The following SH3D19 variants were observed in gnomAD, a reference collection of about 807,000 sequenced individuals.
SH3D19 encodes the protein SH3 domain containing 19.
A neutral mutation model predicts 112.1 loss-of-function variants in SH3D19; 58 were observed. That is an observed-to-expected ratio of 0.52 (90% CI 0.42 to 0.64). The LOEUF (loss-of-function observed/expected upper bound fraction) is 0.64, where lower values mean the gene tolerates loss of function less well. SH3D19 is among the 30% of genes least tolerant of loss of function. The pLI is 0.00. For missense variants in SH3D19, 1,090 were observed against 1,263.4 expected (o/e 0.86, Z 2.08); for synonymous variants, 391 against 448.5 (o/e 0.87, Z 1.62).
Position 151,171,239 on chromosome 4 carries a change from C to G in SH3D19, c.1534+3431G>C, listed in dbSNP as rs540692109. 1.1e-4 allele frequency among the ~76,000 whole-genome samples: 16 copies of G among 150,322 alleles called. No homozygotes were observed. The Middle Eastern group carries it at 0.014, about 130-fold the overall frequency. ...TTTTTTTTTTCCTCACAGCTCCAAACAGTCACTGAATTAATGGCTATTTTC... is the reference window on the plus strand; with the variant it reads ...TTTTTTTTTTCCTCACAGCTCCAAAGAGTCACTGAATTAATGGCTATTTTC... On this transcript the variant is annotated intron_variant, in intron 7 of 19. Transcript: ENST00000604030.
rs1760000405 is a variant in SH3D19 at position 151,176,673 on chromosome 4, A to G, written c.390T>C (p.Tyr130=). The change falls in exon 6 of 20, where the codon TAT becomes TAC. Residue 130 remains tyrosine, a synonymous_variant. Transcript: ENST00000604030. ...GGTTGATTTCTTTTATAACTTGTTC[A>G]TAAGATGGTGGGAGCTGAAAAGTAA... is the stretch of plus-strand genomic sequence containing the variant. ...ELVPAELPPS[Y]EQVIKEINQV... The G allele has an allele frequency of 8.1e-7, 1 of 1,232,116 alleles. No individual in the cohort carries two copies. Among genetic ancestry groups the G allele is most frequent in the South Asian group, 4.1e-5 (1 of 24,326 alleles). The allele number at this position is 1,232,116 out of a possible 1,614,324, so 76.3% of individuals were successfully genotyped here. A position where few individuals can be genotyped will look rare whatever the true frequency, so the allele number is the denominator to read the frequency against.
chr4:151,255,940 T>C (rs762089736), intron 1 of SH3D19, among the ~76,000 whole-genome samples: 8 of 147,402 alleles, frequency 5.4e-5, no homozygotes, highest in Admixed American at 1.4e-4. Context: ...GGCAGGGAGG[T>C]TGCAGTGAGC....
intron 18 of SH3D19, 89 bp from the exon 19 acceptor site, chr4:151,127,804 C>T (rs964267610): frequency 3.0e-6 from 2 of 661,646 alleles, no homozygotes; most frequent in Non-Finnish European, 4.8e-6. Flanking sequence ...GCTTATCGCT[C>T]TAAAAACACA....
chr4:151,205,158 A>C (rs894497416), intron 2 of SH3D19, among the ~76,000 whole-genome samples: 1 of 152,132 alleles, frequency 6.6e-6, no homozygotes, highest in Non-Finnish European at 1.5e-5. Flanking sequence ...GCCAAAGAGA[A>C]GAGGGAAGAG....
At chr4:151,324,076 T>C (rs2126418911) in intron 1 of SH3D19, among the ~76,000 whole-genome samples, 1 of 152,344 alleles carries the variant, frequency 6.6e-6, no homozygotes, top group South Asian at 2.1e-4. Context: ...TCAAAACTGG[T>C]GTTCATATAG....
chr4:151,142,969 G>C (rs758794367), intron 12 of SH3D19, among the ~76,000 whole-genome samples: 10 of 152,168 alleles, frequency 6.6e-5, no homozygotes, highest in Non-Finnish European at 1.0e-4. Flanking sequence ...TGGGCATGGT[G>C]ACCCATACCT....
chr4:151,288,436 A>G (rs1159033890), intron 1 of SH3D19, among the ~76,000 whole-genome samples: 2 of 152,308 alleles, frequency 1.3e-5, no homozygotes, highest in African/African-American at 2.4e-5. Context: ...ACTGAAGGAT[A>G]TAGGGACAAT....
At chr4:151,152,504 TTCTC>T (rs1219627209) in intron 9 of SH3D19, among the ~76,000 whole-genome samples, 49 of 151,310 alleles carry the variant, frequency 3.2e-4, no homozygotes, top group Middle Eastern at 3.4e-3. Flanking sequence ...TTTTTTGCTA[TTCTC>T]TCTCTCTCTT....
At chr4:151,290,134 G>C (rs1365634283) in intron 1 of SH3D19, among the ~76,000 whole-genome samples, 1 of 152,174 alleles carries the variant, frequency 6.6e-6, no homozygotes, top group African/African-American at 2.4e-5. Context: ...TTGTTTTGAA[G>C]AGACAGGGTT....
At chr4:151,124,678 G>A (rs1011782321) in intron 19 of SH3D19, among the ~76,000 whole-genome samples, 10 of 151,830 alleles carry the variant, frequency 6.6e-5, no homozygotes, top group South Asian at 4.2e-4. Context: ...AGATCGCGCC[G>A]CTGACTGCAC....
chr4:151,293,398 G>T (rs1005018479), intron 1 of SH3D19, among the ~76,000 whole-genome samples: 2 of 151,106 alleles, frequency 1.3e-5, no homozygotes, highest in Non-Finnish European at 2.9e-5. Context: ...GCGTGAACCT[G>T]GGAGACGGAG....
At chr4:151,123,326 T>G (rs1401650757) in intron 19 of SH3D19, among the ~76,000 whole-genome samples, 1 of 152,216 alleles carries the variant, frequency 6.6e-6, no homozygotes, top group Non-Finnish European at 1.5e-5. Flanking sequence ...GATTTTACAA[T>G]GGACCTTTTT....
chr4:151,210,402 T>A (rs1326364319), intron 2 of SH3D19, among the ~76,000 whole-genome samples: 1 of 99,850 alleles, frequency 1.0e-5, no homozygotes, highest in Non-Finnish European at 1.8e-5. Flanking sequence ...ATCATCCCAA[T>A]TTTTTTTTTT....
chr4:151,165,750 A>G, intron 7 of SH3D19, 54 bp from the exon 8 acceptor site: 1 of 1,427,552 alleles, frequency 7.0e-7, no homozygotes, highest in South Asian at 1.2e-5. Context: ...GACTGAAACA[A>G]AAAACCTCAT....
chr4:151,307,243 C>T (rs1294454187), intron 1 of SH3D19, among the ~76,000 whole-genome samples: 2 of 151,844 alleles, frequency 1.3e-5, no homozygotes, highest in African/African-American at 2.4e-5. Context: ...GGGATGGTCT[C>T]GATCTCCTGA....
intron 4 of SH3D19, among the ~76,000 whole-genome samples, chr4:151,178,742 C>T (rs1297759417): frequency 6.6e-6 from 1 of 152,058 alleles, no homozygotes; most frequent in African/African-American, 2.4e-5. Flanking sequence ...ACAGCAGGGA[C>T]CATGACTTAT....
At chr4:151,274,071 C>T (rs977590339) in intron 1 of SH3D19, among the ~76,000 whole-genome samples, 1 of 151,978 alleles carries the variant, frequency 6.6e-6, no homozygotes, top group Non-Finnish European at 1.5e-5. Flanking sequence ...ATTGGATACA[C>T]AAAACAAGAA....
intron 2 of SH3D19, among the ~76,000 whole-genome samples, chr4:151,211,963 C>G (rs1026601453): frequency 1.3e-5 from 2 of 152,188 alleles, no homozygotes; most frequent in Non-Finnish European, 2.9e-5. Context: ...GTAAAGGTGG[C>G]TACACTAAAC....
chr4:151,150,958 CTT>C (rs10714871), intron 9 of SH3D19, among the ~76,000 whole-genome samples: 80 of 110,826 alleles, frequency 7.2e-4, no homozygotes, highest in African/African-American at 1.6e-3. Context: ...TCACAAAATT[CTT>C]TTTTTTTTTT....
Sources: allele counts gnomAD v4.1 joint callset (sites outside exome capture counted in the v4.1 genomes callset), GRCh38; gene constraint gnomAD v4.1.1; transcripts MANE v1.5; gene names NCBI Gene and HGNC (gene_info 2026-07-23, HGNC 2026-07-21).